Variants in CCDC192 observed in about 807,000 individuals in gnomAD.
CCDC192 encodes the protein coiled-coil domain-containing protein 192.
intron 6 of CCDC192, among the ~76,000 whole-genome samples, chr5:127,921,464 C>T (rs1265820998): frequency 6.6e-6 from 1 of 152,104 alleles, no homozygotes; most frequent in African/African-American, 2.4e-5. Flanking sequence ...AACATAGATG[C>T]AGAGTGAGCT....
At chr5:127,901,306 A>T (rs145565033) in intron 6 of CCDC192, among the ~76,000 whole-genome samples, 6 of 152,238 alleles carry the variant, frequency 3.9e-5, no homozygotes, top group African/African-American at 1.4e-4. Context: ...AATAATAATC[A>T]TCAATGATTT....
At chr5:127,762,565 G>A (rs1421397011) in intron 3 of CCDC192, among the ~76,000 whole-genome samples, 1 of 152,188 alleles carries the variant, frequency 6.6e-6, no homozygotes, top group Non-Finnish European at 1.5e-5. Context: ...GGCTTCTGTA[G>A]TATATTGTTG....
chr5:127,892,497 A>G lies in CCDC192; in HGVS notation c.535+16836A>G, dbSNP rs1293640971. On this transcript the variant is annotated intron_variant, in intron 6 of 6. Transcript: ENST00000514853. ...TAGTGTGGATTCAAAATGCCTTTAA[A>G]AAATCTAAAATGAACTCAAAATATG... Among the ~76,000 whole-genome samples the G allele has an allele frequency of 2.6e-5, 4 of 152,206 alleles. No homozygotes were observed. The East Asian group carries it at 7.7e-4, about 29-fold the overall frequency.
intron 6 of CCDC192, among the ~76,000 whole-genome samples, chr5:127,913,599 T>C (rs987840704): frequency 6.6e-6 from 1 of 152,186 alleles, no homozygotes; most frequent in African/African-American, 2.4e-5. Context: ...TATTTGAAAA[T>C]TTTAAAACAT....
At chr5:127,808,305 T>G (rs1757902404) in intron 5 of CCDC192, among the ~76,000 whole-genome samples, 1 of 152,154 alleles carries the variant, frequency 6.6e-6, no homozygotes, top group Non-Finnish European at 1.5e-5. Context: ...CTTATTTTAG[T>G]GGCTTCTCAC....
intron 6 of CCDC192, among the ~76,000 whole-genome samples, chr5:127,939,493 A>G (rs1394493606): frequency 2.6e-5 from 4 of 152,122 alleles, no homozygotes; most frequent in African/African-American, 9.7e-5. Context: ...TTCCCCATGG[A>G]TTCTTAAATG....
Position 127,754,263 on chromosome 5 carries a change from T to A in CCDC192, c.115-5T>A, listed in dbSNP as rs1754429958. The stretch of plus-strand genomic sequence containing the variant: ...AAGTAATACTTGATTTTTTTTTTTT[T>A]AAAGAAAGCGTCCCTGGATACTGGA... On this transcript the variant is annotated splice_polypyrimidine_tract_variant and splice_region_variant and intron_variant, in intron 2 of 6. Transcript: ENST00000514853. 1 of 397,014 alleles carries A rather than the reference T, an allele frequency of 2.5e-6. No individual in the cohort carries two copies. The allele number at this position is 397,014 out of a possible 1,614,324, so 24.6% of individuals were successfully genotyped here.
chr5:127,859,236 T>C (rs1452410265), intron 5 of CCDC192, among the ~76,000 whole-genome samples: 1 of 152,208 alleles, frequency 6.6e-6, no homozygotes, highest in African/African-American at 2.4e-5. Context: ...TTTTCTTAAA[T>C]ATTAACAAAC....
At chr5:127,881,400 A>G (rs1580790288) in intron 6 of CCDC192, among the ~76,000 whole-genome samples, 1 of 152,210 alleles carries the variant, frequency 6.6e-6, no homozygotes, top group African/African-American at 2.4e-5. Context: ...TTCCAAATAA[A>G]TTAGAACTCC....
At chr5:127,900,581 C>T (rs1420882384) in intron 6 of CCDC192, among the ~76,000 whole-genome samples, 2 of 152,206 alleles carry the variant, frequency 1.3e-5, no homozygotes, top group Admixed American at 1.3e-4. Flanking sequence ...ATTCCAATTT[C>T]TCCTTAGCCA....
intron 3 of CCDC192, among the ~76,000 whole-genome samples, chr5:127,763,866 A>G (rs372877779): frequency 4.6e-5 from 7 of 152,300 alleles, no homozygotes; most frequent in African/African-American, 1.7e-4. Context: ...CTTACTCATT[A>G]TCCAAAGAAC....
chr5:127,742,524 A>C (rs1753481312), intron 2 of CCDC192, among the ~76,000 whole-genome samples: 1 of 152,166 alleles, frequency 6.6e-6, no homozygotes, highest in African/African-American at 2.4e-5. Context: ...CAGGGACTCT[A>C]GTTCTGGAAA....
chr5:127,788,398 C>T (rs1221953927), intron 3 of CCDC192, among the ~76,000 whole-genome samples: 1 of 152,052 alleles, frequency 6.6e-6, no homozygotes. Context: ...TACTTCCAAC[C>T]TATTTGTTTC....
chr5:127,799,326 A>T (rs1013593203), intron 5 of CCDC192, among the ~76,000 whole-genome samples: 4 of 152,238 alleles, frequency 2.6e-5, no homozygotes, highest in Non-Finnish European at 5.9e-5. Context: ...CAGAGCTTTT[A>T]ACTCTAAATT....
At chr5:127,806,245 G>C (rs1428985812) in intron 5 of CCDC192, among the ~76,000 whole-genome samples, 1 of 152,174 alleles carries the variant, frequency 6.6e-6, no homozygotes, top group Admixed American at 6.5e-5. Context: ...GAGGGACAGA[G>C]ACCTAATGTT....
At chr5:127,936,779 A>G (rs761558132) in intron 6 of CCDC192, among the ~76,000 whole-genome samples, 1 of 152,220 alleles carries the variant, frequency 6.6e-6, no homozygotes, top group Non-Finnish European at 1.5e-5. Flanking sequence ...ATCTGGTCAG[A>G]TAACAGCACC....
At chr5:127,718,111 G>A (rs1393032705) in intron 2 of CCDC192, among the ~76,000 whole-genome samples, 2 of 152,102 alleles carry the variant, frequency 1.3e-5, no homozygotes, top group African/African-American at 4.8e-5. Context: ...TATCTGGGAA[G>A]TGTCCTTTAG....
intron 5 of CCDC192, among the ~76,000 whole-genome samples, chr5:127,866,591 A>G (rs1259297948): frequency 6.6e-6 from 1 of 151,560 alleles, no homozygotes; most frequent in African/African-American, 2.4e-5. Context: ...ATTGCCAACA[A>G]TTACTTTCTC....
chr5:127,916,956 G>A (rs1202019465), intron 6 of CCDC192, among the ~76,000 whole-genome samples: 2 of 152,152 alleles, frequency 1.3e-5, no homozygotes, highest in African/African-American at 4.8e-5. Flanking sequence ...AGTCCTAGAT[G>A]GCATCTTCTT....
Sources: gnomAD v4.1 joint callset for allele counts (sites outside exome capture counted in the v4.1 genomes callset) on GRCh38, gnomAD v4.1.1 for gene constraint, MANE v1.5 for transcripts, NCBI Gene and HGNC (gene_info 2026-07-23, HGNC 2026-07-21) for gene names.